GPR158: variants seen among roughly 807,000 people sequenced by gnomAD.
GPR158 encodes G protein-coupled receptor 158, also known as metabotropic glycine receptor.
GPR158 carries 30 observed loss-of-function variants against 78.2 expected under a neutral mutation model. That is an observed-to-expected ratio of 0.38 (90% CI 0.29 to 0.52). The LOEUF is 0.52. Ranked by LOEUF, GPR158 falls within the 20% of genes least tolerant of loss-of-function variation. The pLI is 0.83. For missense variants in GPR158, 1,463 were observed against 1,523.5 expected (o/e 0.96, Z 0.66); for synonymous variants, 581 against 591.1 (o/e 0.98, Z 0.25).
At chr10:25,212,191 G>A (rs531094148) in intron 1 of GPR158, among the ~76,000 whole-genome samples, 93 of 152,196 alleles carry the variant, frequency 6.1e-4, no homozygotes, top group African/African-American at 2.1e-3. Context: ...AATTTATAAC[G>A]AAAAGAGGTT....
At chr10:25,385,518 T>G (rs1033004364) in intron 2 of GPR158, among the ~76,000 whole-genome samples, 1 of 152,124 alleles carries the variant, frequency 6.6e-6, no homozygotes. Flanking sequence ...TAATTCTGTT[T>G]TTAATTTTTT....
At chr10:25,374,779 G>T (rs1405060957) in intron 2 of GPR158, among the ~76,000 whole-genome samples, 1 of 151,654 alleles carries the variant, frequency 6.6e-6, no homozygotes, top group African/African-American at 2.4e-5. Flanking sequence ...GATGTACTAT[G>T]TTGGTTTAAC....
At chr10:25,339,672 G>A (rs958399219) in intron 2 of GPR158, among the ~76,000 whole-genome samples, 1 of 152,024 alleles carries the variant, frequency 6.6e-6, no homozygotes, top group African/African-American at 2.4e-5. Context: ...ATTAAGGAAG[G>A]TCCCTTCTCT....
At chr10:25,425,722 T>G (rs1390050807) in intron 4 of GPR158, among the ~76,000 whole-genome samples, 1 of 151,950 alleles carries the variant, frequency 6.6e-6, no homozygotes, top group Admixed American at 6.6e-5. Flanking sequence ...CAATCCCATT[T>G]TATGGGTTAT....
chr10:25,359,974 T>G (rs191722181), intron 2 of GPR158, among the ~76,000 whole-genome samples: 60 of 152,338 alleles, frequency 3.9e-4, no homozygotes, highest in African/African-American at 1.4e-3. Flanking sequence ...TGAGATGGTA[T>G]CTCATGGTGG....
chr10:25,245,761 A>T (rs528527987), intron 2 of GPR158, among the ~76,000 whole-genome samples: 8 of 152,324 alleles, frequency 5.3e-5, no homozygotes, highest in African/African-American at 1.9e-4. Flanking sequence ...TTCCAACATA[A>T]TCTTTTATTA....
intron 4 of GPR158, among the ~76,000 whole-genome samples, chr10:25,458,769 C>CTA (rs1564461125): frequency 6.6e-6 from 1 of 152,196 alleles, no homozygotes; most frequent in Non-Finnish European, 1.5e-5. Flanking sequence ...GTGATCAAAT[C>CTA]TATGTGGTTT....
chr10:25,256,260 T>C (rs926479866), intron 2 of GPR158, among the ~76,000 whole-genome samples: 2 of 152,054 alleles, frequency 1.3e-5, no homozygotes, highest in Non-Finnish European at 2.9e-5. Flanking sequence ...TATAAAAATA[T>C]TTATAAAAAG....
intron 3 of GPR158, among the ~76,000 whole-genome samples, chr10:25,405,333 A>C (rs1190867913): frequency 6.6e-6 from 1 of 151,974 alleles, no homozygotes; most frequent in African/African-American, 2.4e-5. Flanking sequence ...CTGCATTTTT[A>C]ATTGCAAAAG....
chr10:25,306,896 T>C (rs1854683794), intron 2 of GPR158, among the ~76,000 whole-genome samples: 1 of 152,090 alleles, frequency 6.6e-6, no homozygotes, highest in Non-Finnish European at 1.5e-5. Context: ...TCCAAAAGTT[T>C]TCCATTATAC....
At chr10:25,177,478 A>C (rs1588720417) in intron 1 of GPR158, among the ~76,000 whole-genome samples, 2 of 152,250 alleles carry the variant, frequency 1.3e-5, no homozygotes, top group Middle Eastern at 6.8e-3. Context: ...TGGATTATTT[A>C]TTATTTTTTA....
At chr10:25,517,353 T>C (rs1836192526) in intron 5 of GPR158, among the ~76,000 whole-genome samples, 1 of 152,120 alleles carries the variant, frequency 6.6e-6, no homozygotes, top group Non-Finnish European at 1.5e-5. Flanking sequence ...CCTAACTGAA[T>C]ACCCTTTATT....
intron 5 of GPR158, among the ~76,000 whole-genome samples, chr10:25,531,917 T>G (rs1836428573): frequency 6.6e-6 from 1 of 152,138 alleles, no homozygotes; most frequent in South Asian, 2.1e-4. Context: ...CCTCCAGAGC[T>G]TATCATCTTT....
chr10:25,227,610 A>AT (rs745592636), intron 2 of GPR158, among the ~76,000 whole-genome samples: 5 of 152,048 alleles, frequency 3.3e-5, no homozygotes, highest in South Asian at 2.1e-4. Flanking sequence ...GGTATAGGCT[A>AT]TTTTTTCCAT....
chr10:25,497,729 T>C (rs917744930), intron 5 of GPR158, among the ~76,000 whole-genome samples: 1 of 152,198 alleles, frequency 6.6e-6, no homozygotes, highest in African/African-American at 2.4e-5. Flanking sequence ...AATCTCTGCC[T>C]TCATGGAGTT....
chr10:25,519,400 A>C (rs1836226949), intron 5 of GPR158, among the ~76,000 whole-genome samples: 1 of 131,542 alleles, frequency 7.6e-6, no homozygotes, highest in Non-Finnish European at 1.6e-5. Context: ...TTATGTGTGA[A>C]TTTGATCCTG....
At chr10:25,303,082 T>C (rs1318417952) in intron 2 of GPR158, among the ~76,000 whole-genome samples, 1 of 152,244 alleles carries the variant, frequency 6.6e-6, no homozygotes, top group Admixed American at 6.5e-5. Context: ...TTAAGGATTC[T>C]TACTTGGTAA....
At chr10:25,194,938 A>G (rs1424898018) in intron 1 of GPR158, among the ~76,000 whole-genome samples, 3 of 152,084 alleles carry the variant, frequency 2.0e-5, no homozygotes, top group Non-Finnish European at 4.4e-5. Context: ...GTATTCTGTT[A>G]CTAGAGTAAA....
In GPR158 at chr10:25,314,094, AATTTATTT is replaced by A. The variant is rs556684158; in HGVS notation, c.1009-81799_1009-81792del. Among the ~76,000 whole-genome samples the A allele has an allele frequency of 1.1e-4, 16 of 151,498 alleles. No individual in the cohort carries two copies. The South Asian group carries it at 1.3e-3, about 12-fold the overall frequency. ...GGAAATTATTTTATCTAGGTTTTTG[AATTTATTT>A]ATTTATTTATTTATTTAGAGACGGA... On this transcript the variant is annotated intron_variant, in intron 2 of 10. Coordinates refer to ENST00000376351, the MANE Select transcript of GPR158 (RefSeq NM_020752.3).
Sources: gnomAD v4.1 joint callset for allele counts (sites outside exome capture counted in the v4.1 genomes callset) on GRCh38, gnomAD v4.1.1 for gene constraint, MANE v1.5 for transcripts, NCBI Gene and HGNC (gene_info 2026-07-23, HGNC 2026-07-21) for gene names.